UNC93A: variants seen among roughly 807,000 people sequenced by gnomAD.
UNC93A encodes unc-93 homolog A.
Under a neutral mutation model 47.5 loss-of-function variants are expected in UNC93A, and 43 were observed. The ratio of observed to expected loss-of-function variants is 0.91; its 90% CI spans 0.71 to 1.17. UNC93A has a LOEUF of 1.17. Ranked by LOEUF, UNC93A falls within the 50% of genes most tolerant of loss-of-function variation. UNC93A has a pLI of 0.00. For missense variants in UNC93A, 605 were observed against 577.6 expected (o/e 1.05, Z -0.49); for synonymous variants, 280 against 258.0 (o/e 1.09, Z -0.82).
rs114548025 is a variant in UNC93A at position 167,279,607 on chromosome 6, G to A, written c.-52+8149G>A. Reference sequence around the variant, plus strand: ...ACCCATTGCTTATATTTTATTCCATGTGAGTGAGAATGGGCTTCCGGGAAT... The same window carrying A: ...ACCCATTGCTTATATTTTATTCCATATGAGTGAGAATGGGCTTCCGGGAAT... On this transcript the variant is annotated intron_variant, in intron 1 of 3. Transcript: ENST00000503433. 9.2e-3 allele frequency among the ~76,000 whole-genome samples: 1,405 copies of A among 152,232 alleles called. 27 individuals are homozygous for A. Among genetic ancestry groups the A allele is most frequent in the African/African-American group, 0.032 (1,329 of 41,508 alleles).
chr6:167,307,365 G>A (rs1778425304), intron 6 of UNC93A, among the ~76,000 whole-genome samples: 1 of 152,220 alleles, frequency 6.6e-6, no homozygotes, highest in South Asian at 2.1e-4. Flanking sequence ...GACTTCCAGA[G>A]CATTAAGGGA....
At chr6:167,298,217 T>C (rs1778145455) in intron 4 of UNC93A, 147 bp downstream of exon 4, 7 of 1,274,152 alleles carry the variant, frequency 5.5e-6, no homozygotes, top group Non-Finnish European at 7.3e-6. Flanking sequence ...CTGGATTATA[T>C]GCAGGCGGTG....
upstream of UNC93A, among the ~76,000 whole-genome samples, chr6:167,269,160 G>A (rs114602296): frequency 4.3e-3 from 648 of 152,354 alleles, 6 homozygotes; most frequent in African/African-American, 0.015. Context: ...CGAGATGAGC[G>A]TGGCTGGAGA....
intron 6 of UNC93A, among the ~76,000 whole-genome samples, chr6:167,306,454 G>A (rs1003317085): frequency 1.3e-5 from 2 of 152,208 alleles, no homozygotes; most frequent in African/African-American, 4.8e-5. Context: ...TATTCACACA[G>A]TGGATAAGGA....
At chr6:167,300,224 C>CA in intron 4 of UNC93A, among the ~76,000 whole-genome samples, 1 of 152,286 alleles carries the variant, frequency 6.6e-6, no homozygotes, top group Admixed American at 6.5e-5. Flanking sequence ...AGGCATCTTC[C>CA]AACATGGTGA....
intron 7 of UNC93A, among the ~76,000 whole-genome samples, chr6:167,308,908 G>A (rs902480961): frequency 5.3e-5 from 8 of 152,124 alleles, no homozygotes; most frequent in Admixed American, 6.5e-5. Context: ...GATGGCAGGA[G>A]CCAAATGCCA....
upstream of UNC93A, among the ~76,000 whole-genome samples, chr6:167,270,087 C>T (rs1462390770): frequency 6.6e-6 from 1 of 150,380 alleles, no homozygotes; most frequent in South Asian, 2.1e-4. Flanking sequence ...TCACATGGTC[C>T]GGAGTCCCCA....
intron 4 of UNC93A, among the ~76,000 whole-genome samples, chr6:167,303,400 C>A (rs1324482658): frequency 6.6e-6 from 1 of 152,090 alleles, no homozygotes; most frequent in Non-Finnish European, 1.5e-5. Context: ...TCTTCAAATG[C>A]ACAACATTCT....
intron 1 of UNC93A, among the ~76,000 whole-genome samples, chr6:167,279,354 C>T (rs907262272): frequency 2.2e-4 from 33 of 152,310 alleles, no homozygotes; most frequent in Admixed American, 7.8e-4. Context: ...TCTCCATTTG[C>T]AATTCATTTC....
intron 2 of UNC93A, among the ~76,000 whole-genome samples, chr6:167,295,764 G>C (rs1242637280): frequency 1.3e-5 from 2 of 151,970 alleles, no homozygotes; most frequent in African/African-American, 4.8e-5. Context: ...TCCTCACCTT[G>C]TTGTTTGCAA....
At chr6:167,294,464 T>A in intron 1 of UNC93A, 53 bp from the exon 2 acceptor site, 1 of 1,595,468 alleles carries the variant, frequency 6.3e-7, no homozygotes, top group Non-Finnish European at 8.6e-7. Context: ...TGCTGGTGCC[T>A]CATCCCGCTG....
intron 7 of UNC93A, among the ~76,000 whole-genome samples, chr6:167,312,527 C>T (rs902681152): frequency 6.6e-6 from 1 of 152,228 alleles, no homozygotes; most frequent in Non-Finnish European, 1.5e-5. Context: ...TATATTTACT[C>T]TACACTTTGG....
chr6:167,293,755 G>A (rs1431091300), intron 1 of UNC93A, among the ~76,000 whole-genome samples: 1 of 152,158 alleles, frequency 6.6e-6, no homozygotes, highest in South Asian at 2.1e-4. Flanking sequence ...AAGGACAAAG[G>A]ACGCTCTTTT....
At chr6:167,278,562 T>TA (rs1783581008) in intron 1 of UNC93A, among the ~76,000 whole-genome samples, 1 of 152,208 alleles carries the variant, frequency 6.6e-6, no homozygotes, top group Non-Finnish European at 1.5e-5. Flanking sequence ...CCATACAGTG[T>TA]TCCAGGGTTA....
intron 1 of UNC93A, among the ~76,000 whole-genome samples, chr6:167,278,754 C>T (rs577306977): frequency 1.2e-4 from 19 of 152,216 alleles, no homozygotes; most frequent in South Asian, 1.2e-3. Context: ...TGCAGACAGA[C>T]GCTGGGGAGA....
rs141018169 is a variant in UNC93A, at chr6:167,298,862, T to G, written c.625+792T>G. 4.3e-4 allele frequency among the ~76,000 whole-genome samples: 66 copies of G among 151,978 alleles called. 1 individual carries two copies. In the East Asian group the frequency reaches 0.012, roughly 28 times the overall value. ...GGCATGGTGGCTCACACCTGTAATC[T>G]CAGCACTTTGGGAGGCTGAGGCGGG... On this transcript the variant is annotated intron_variant, in intron 4 of 7. Coordinates refer to ENST00000230256, the MANE Select transcript of UNC93A (RefSeq NM_018974.4).
intron 1 of UNC93A, among the ~76,000 whole-genome samples, chr6:167,277,854 C>CTT (rs1783570066): frequency 9.8e-6 from 1 of 102,386 alleles, no homozygotes; most frequent in African/African-American, 5.9e-5. Context: ...TGTCTCTGTC[C>CTT]CTCTCTGTCT....
chr6:167,290,586 T>C (rs1179026907), upstream of UNC93A, among the ~76,000 whole-genome samples: 1 of 152,206 alleles, frequency 6.6e-6, no homozygotes, highest in East Asian at 1.9e-4. Flanking sequence ...AATACAGTTG[T>C]CTCTAGCCAC....
chr6:167,287,779 T>A (rs1783766484), upstream of UNC93A, among the ~76,000 whole-genome samples: 1 of 152,066 alleles, frequency 6.6e-6, no homozygotes, highest in Admixed American at 6.5e-5. Flanking sequence ...CATGAGTGTG[T>A]TCTGAACCAG....
Sources: gnomAD v4.1 joint callset for allele counts (sites outside exome capture counted in the v4.1 genomes callset) on GRCh38, gnomAD v4.1.1 for gene constraint, MANE v1.5 for transcripts, NCBI Gene and HGNC (gene_info 2026-07-23, HGNC 2026-07-21) for gene names.